Variants in BMPR1A observed in about 807,000 individuals in gnomAD.
BMPR1A encodes bone morphogenetic protein receptor type-1A.
Under a neutral mutation model 66.0 loss-of-function variants are expected in BMPR1A, and 7 were observed. The observed-to-expected ratio is 0.11, with a 90% CI of 0.06 to 0.20. The LOEUF (loss-of-function observed/expected upper bound fraction) is 0.20. BMPR1A is among the 10% of genes least tolerant of loss of function. The probability of loss-of-function intolerance (pLI) is 1.00; values close to 1 mark genes in which losing one functional copy is unlikely to be tolerated. For synonymous variants in BMPR1A, 200 were observed against 229.7 expected, an observed-to-expected ratio of 0.87 and a Z score of 1.17; for missense variants, 408 against 669.1, an observed-to-expected ratio of 0.61 and a Z score of 4.31.
intron 1 of BMPR1A, among the ~76,000 whole-genome samples, chr10:86,805,836 T>C (rs1211020927): frequency 2.0e-5 from 3 of 152,076 alleles, no homozygotes; most frequent in Non-Finnish European, 4.4e-5. Context: ...GAGTTTAACA[T>C]TGAGGCGGCA....
chr10:86,797,735 C>T (rs61858605), intron 1 of BMPR1A, among the ~76,000 whole-genome samples: 33,356 of 151,906 alleles, frequency 0.22, 4,781 homozygotes, highest in East Asian at 0.64. Flanking sequence ...TTCTTCTGTA[C>T]TTCTGTGTGT....
intron 1 of BMPR1A, among the ~76,000 whole-genome samples, chr10:86,807,315 T>TTAATTTAAAAAAATTGAAGTA (rs1358541188): frequency 3.3e-5 from 5 of 152,202 alleles, no homozygotes; most frequent in African/African-American, 1.2e-4. Flanking sequence ...CAGTTTATTT[T>TTAATTTAAAAAAATTGAAGTA]TAATTTAAAA....
At chr10:86,793,447 T>C (rs1841660871) in intron 1 of BMPR1A, among the ~76,000 whole-genome samples, 1 of 150,984 alleles carries the variant, frequency 6.6e-6, no homozygotes, top group African/African-American at 2.4e-5. Context: ...CTCTGCAACC[T>C]CTGCCTCCCG....
intron 7 of BMPR1A, among the ~76,000 whole-genome samples, chr10:86,908,726 A>AG (rs1843433215): frequency 6.6e-6 from 1 of 152,074 alleles, no homozygotes; most frequent in South Asian, 2.1e-4. Flanking sequence ...TTGGAAAGTG[A>AG]GGGGGGCGTG....
chr10:86,880,295 C>T (rs916113047), intron 3 of BMPR1A, among the ~76,000 whole-genome samples: 1 of 152,196 alleles, frequency 6.6e-6, no homozygotes, highest in Non-Finnish European at 1.5e-5. Context: ...CTCTGCTTTG[C>T]CTGTTCTCCT....
chr10:86,794,593 A>T (rs1841677963), intron 1 of BMPR1A, among the ~76,000 whole-genome samples: 2 of 152,136 alleles, frequency 1.3e-5, no homozygotes, highest in Admixed American at 1.3e-4. Context: ...GTTGGTATTA[A>T]TTTTAGAATG....
intron 2 of BMPR1A, among the ~76,000 whole-genome samples, chr10:86,863,582 C>T (rs918638885): frequency 3.3e-5 from 5 of 152,150 alleles, no homozygotes; most frequent in Admixed American, 1.3e-4. Context: ...ATCGATGTCT[C>T]CCGGGATCTG....
At chr10:86,857,929 ATTACAGGCAGAAGCCTGTAGTTT>A (rs1236905467) in intron 2 of BMPR1A, among the ~76,000 whole-genome samples, 15 of 151,996 alleles carry the variant, frequency 9.9e-5, no homozygotes, top group Non-Finnish European at 1.8e-4. Flanking sequence ...AAGTGCTGTT[ATTACAGGCAGAAGCCTGTAGTTT>A]TTCCTGTATC....
chr10:86,773,913 C>T lies in BMPR1A; in HGVS notation c.-268+16994C>T, dbSNP rs572045389. On this transcript the variant is annotated intron_variant, in intron 1 of 12. Transcript: ENST00000372037. ...GTCGCCAGGCTGGAGTGAAGTGGTG[C>T]GATCTCGGCTCACTGCAACCTGTGC... 1.2e-4 allele frequency among the ~76,000 whole-genome samples: 18 copies of T among 147,616 alleles called. No homozygotes were observed. In the South Asian group the frequency reaches 3.4e-3, roughly 28 times the overall value.
In BMPR1A at chr10:86,890,201, T is replaced by G; in HGVS notation, c.207T>G (p.Asp69Glu). Residue 69 changes from aspartate (D) to glutamate (E), a missense_variant, in exon 4 of 13, where the codon GAT becomes GAG. Physicochemically the swap from Asp to Glu is conservative, Grantham distance 45. This residue lies in a region of BMPR1A where 68 missense variants were observed against 83.0 expected (regional missense o/e 0.82). Transcript: ENST00000372037. ...GCTATTGCTCAGGGCACTGTCCAGA[T>G]GATGCTATTAATAACACATGCATGT... ...LKCYCSGHCP[D>E]DAINNTCITN... is the part of the protein sequence containing the mutation. 6.2e-7 allele frequency: 1 copy of G among 1,614,172 alleles called. No homozygotes were observed. The highest frequency in any genetic ancestry group is 8.5e-7 in the Non-Finnish European group (1 of 1,180,010).
At chr10:86,824,955 A>G (rs996820581) in intron 1 of BMPR1A, among the ~76,000 whole-genome samples, 9 of 152,156 alleles carry the variant, frequency 5.9e-5, no homozygotes, top group African/African-American at 2.2e-4. Flanking sequence ...ATAATCTTAG[A>G]GTATGCATCA....
chr10:86,854,265 T>A (rs1314438270), intron 2 of BMPR1A, among the ~76,000 whole-genome samples: 2 of 152,244 alleles, frequency 1.3e-5, no homozygotes, highest in African/African-American at 4.8e-5. Context: ...TGTTCTTTTT[T>A]CAAGGTGCCC....
chr10:86,855,305 A>G (rs1842625860), intron 2 of BMPR1A: 9 of 1,009,064 alleles, frequency 8.9e-6, no homozygotes, highest in Middle Eastern at 4.5e-4. Flanking sequence ...CACCCAATCA[A>G]AGTCTCCTTC....
intron 1 of BMPR1A, among the ~76,000 whole-genome samples, chr10:86,831,603 A>G (rs1347686254): frequency 6.6e-6 from 1 of 152,228 alleles, no homozygotes; most frequent in Non-Finnish European, 1.5e-5. Context: ...AAACGAACAA[A>G]CAAACAAAAA....
chr10:86,897,937 C>G (rs1345603048), intron 5 of BMPR1A, among the ~76,000 whole-genome samples: 1 of 152,104 alleles, frequency 6.6e-6, no homozygotes, highest in Non-Finnish European at 1.5e-5. Flanking sequence ...TTTTAGCACA[C>G]TAAAGCCTAG....
At chr10:86,806,593 C>T (rs146652397) in intron 1 of BMPR1A, among the ~76,000 whole-genome samples, 1 of 152,058 alleles carries the variant, frequency 6.6e-6, no homozygotes, top group African/African-American at 2.4e-5. Context: ...CTCCTGTTGC[C>T]CAGACTACAG....
At position 86,925,388 on chromosome 10, in the gene BMPR1A, C is replaced by A. The variant is rs1317868139; in HGVS notation, c.*1669C>A. 4.6e-6 allele frequency: 1 copy of A among 218,966 alleles called. No homozygotes were observed. The highest frequency in any genetic ancestry group is 9.1e-6 in the Non-Finnish European group (1 of 109,318). 13.6% of individuals were successfully genotyped at this position (218,966 alleles called of 1,614,324 possible). A position where few individuals can be genotyped will look rare whatever the true frequency, so the allele number is the denominator to read the frequency against. ...TGGGAGGAAATCAGCATATGTCCAC[C>A]CATTACCAAAATTTGACTATCATTT... On this transcript the variant is annotated 3_prime_UTR_variant, in exon 13 of 13. Coordinates refer to ENST00000372037, the MANE Select transcript of BMPR1A (RefSeq NM_004329.3).
At chr10:86,881,388 A>C (rs575444831) in intron 3 of BMPR1A, among the ~76,000 whole-genome samples, 27 of 152,354 alleles carry the variant, frequency 1.8e-4, no homozygotes, top group Non-Finnish European at 2.8e-4. Flanking sequence ...TTAGTAGGTG[A>C]GGGAAAGCAT....
chr10:86,793,303 C>G (rs1038876839), intron 1 of BMPR1A, among the ~76,000 whole-genome samples: 2 of 151,530 alleles, frequency 1.3e-5, no homozygotes, highest in Non-Finnish European at 2.9e-5. Flanking sequence ...GGAAGGGTAC[C>G]TGTATTTTTA....
Sources: gnomAD v4.1 joint callset for allele counts (sites outside exome capture counted in the v4.1 genomes callset) on GRCh38, gnomAD v4.1.1 for gene constraint, gnomAD v4.1.1 regional missense constraint, MANE v1.5 for transcripts, NCBI Gene and HGNC (gene_info 2026-07-23, HGNC 2026-07-21) for gene names.